The following ZNF469 variants were observed in gnomAD, a reference collection of about 807,000 sequenced individuals.
ZNF469 encodes the protein zinc finger protein 469.
Under a neutral mutation model 1.0 loss-of-function variants are expected in ZNF469, and 1 was observed. The ratio of observed to expected loss-of-function variants is 1.00; its 90% confidence interval spans 0.35 to 4.73. The LOEUF (loss-of-function observed/expected upper bound fraction) is 4.73. ZNF469 is among the 30% of genes most tolerant of loss of function. The pLI is 0.16. For missense variants in ZNF469, 6,100 were observed against 5,356.3 expected (o/e 1.14, Z -4.33); for synonymous variants, 2,703 against 2,363.4 (o/e 1.14, Z -4.17).
chr16:88,249,423 CTTTTTCTTTTTTTTTTTTTT>C, the ZNF469 span, among the ~76,000 whole-genome samples: 1 of 61,754 alleles, frequency 1.6e-5, no homozygotes, highest in Admixed American at 2.4e-4. Context: ...CTTTCTTTTT[CTTTTTCTTTTTTTTTTTTTT>C]TTTTTTTTTT....
upstream of ZNF469, among the ~76,000 whole-genome samples, chr16:88,382,006 G>T (rs193095951): frequency 6.6e-6 from 1 of 152,244 alleles, no homozygotes; most frequent in Non-Finnish European, 1.5e-5. Flanking sequence ...GCTCCCGGGG[G>T]ACCTTTGTCT....
At chr16:88,275,645 A>C in the ZNF469 span, among the ~76,000 whole-genome samples, 1 of 152,168 alleles carries the variant, frequency 6.6e-6, no homozygotes, top group South Asian at 2.1e-4. Flanking sequence ...CTGAAAGACC[A>C]GGCTGGTGTC....
At position 88,429,678 on chromosome 16, in the gene ZNF469, T is replaced by C; in HGVS notation, c.2208T>C (p.Cys736=). 6.5e-7 allele frequency: 1 copy of C among 1,542,248 alleles called. No homozygotes were observed. The highest frequency in any genetic ancestry group is 8.8e-7 in the Non-Finnish European group (1 of 1,141,588). Reference sequence around the variant, plus strand: ...ACGTGCTGCTGACCTGCAGGCAGTGTGACCGCAACTACAGCAGCCTGGCGG... The same window carrying C: ...ACGTGCTGCTGACCTGCAGGCAGTGCGACCGCAACTACAGCAGCCTGGCGG... The part of the protein sequence containing the change: ...QLDVLLTCRQ[C]DRNYSSLAAF... The change falls in exon 3 of 3, where the codon TGT becomes TGC. Residue 736 remains cysteine, a synonymous_variant. Coordinates refer to ENST00000565624, the MANE Select transcript of ZNF469 (RefSeq NM_001367624.2).
intron 1 of ZNF469, among the ~76,000 whole-genome samples, chr16:88,408,698 G>T (rs1467247793): frequency 6.6e-6 from 1 of 152,152 alleles, no homozygotes; most frequent in Admixed American, 6.6e-5. Context: ...CTTACTGCCG[G>T]GGCCACATGG....
the ZNF469 span, among the ~76,000 whole-genome samples, chr16:88,133,001 G>A: frequency 6.6e-6 from 1 of 152,238 alleles, no homozygotes; most frequent in African/African-American, 2.4e-5. Flanking sequence ...TGGGCATGCT[G>A]GGAGAGATGC....
chr16:88,254,012 A>G, the ZNF469 span, among the ~76,000 whole-genome samples: 8 of 151,988 alleles, frequency 5.3e-5, no homozygotes, highest in African/African-American at 1.7e-4. Context: ...GAAATTATCA[A>G]TTTTGATAAA....
intron 1 of ZNF469, among the ~76,000 whole-genome samples, chr16:88,419,663 C>T (rs965858115): frequency 7.9e-5 from 12 of 152,202 alleles, no homozygotes; most frequent in Admixed American, 7.2e-4. Flanking sequence ...GCGCCGTCTG[C>T]CCCCTCAATA....
At chr16:88,284,714 G>T in the ZNF469 span, among the ~76,000 whole-genome samples, 888 of 152,264 alleles carry the variant, frequency 5.8e-3, 6 homozygotes, top group African/African-American at 0.02. Flanking sequence ...AGCAGCAGGT[G>T]CTAAGGGCCT....
chr16:88,225,782 A>C, the ZNF469 span, among the ~76,000 whole-genome samples: 8 of 152,332 alleles, frequency 5.3e-5, no homozygotes, highest in Middle Eastern at 3.4e-3. Context: ...GCCTCCCCAC[A>C]CACGGACCTG....
the ZNF469 span, among the ~76,000 whole-genome samples, chr16:88,219,719 T>G: frequency 9.6e-4 from 146 of 152,308 alleles, no homozygotes; most frequent in East Asian, 0.026. Flanking sequence ...AATTCCAACC[T>G]ACTTCCCTGG....
chr16:88,257,557 T>C, the ZNF469 span, among the ~76,000 whole-genome samples: 1 of 152,218 alleles, frequency 6.6e-6, no homozygotes. Context: ...GATCCTGCCT[T>C]TGGTGCTGGA....
At chr16:88,376,275 T>C in the ZNF469 span, among the ~76,000 whole-genome samples, 1 of 152,254 alleles carries the variant, frequency 6.6e-6, no homozygotes, top group African/African-American at 2.4e-5. Flanking sequence ...AATGCGTAGT[T>C]GTCCCCTGGA....
the ZNF469 span, among the ~76,000 whole-genome samples, chr16:88,286,465 C>A: frequency 6.6e-6 from 1 of 152,260 alleles, no homozygotes; most frequent in African/African-American, 2.4e-5. Flanking sequence ...GGTATTTACA[C>A]CTTCCTGCCA....
chr16:88,119,177 A>G, the ZNF469 span, among the ~76,000 whole-genome samples: 3 of 152,236 alleles, frequency 2.0e-5, no homozygotes, highest in Admixed American at 2.0e-4. Context: ...TAGTAAGTGA[A>G]GAAATGTCTT....
At chr16:88,214,688 G>A in the ZNF469 span, among the ~76,000 whole-genome samples, 167 of 152,182 alleles carry the variant, frequency 1.1e-3, no homozygotes, top group Non-Finnish European at 2.1e-3. Flanking sequence ...GGTGTGTGAT[G>A]TTCCCCTCCC....
At chr16:88,407,772 G>A (rs1479295951) in intron 1 of ZNF469, among the ~76,000 whole-genome samples, 1 of 152,246 alleles carries the variant, frequency 6.6e-6, no homozygotes, top group Non-Finnish European at 1.5e-5. Flanking sequence ...CCAGTGCTCA[G>A]ACGCTGCCTT....
the ZNF469 span, among the ~76,000 whole-genome samples, chr16:88,352,478 C>T: frequency 1.7e-4 from 26 of 152,340 alleles, no homozygotes; most frequent in Admixed American, 3.3e-4. Context: ...ATGGTGCTGA[C>T]GGGCACGGAA....
chr16:88,362,528 T>C, the ZNF469 span, among the ~76,000 whole-genome samples: 1 of 152,344 alleles, frequency 6.6e-6, no homozygotes, highest in South Asian at 2.1e-4. Flanking sequence ...TATAAAATTC[T>C]GGGTTGACAT....
At chr16:88,335,853 A>T in the ZNF469 span, among the ~76,000 whole-genome samples, 1 of 151,698 alleles carries the variant, frequency 6.6e-6, no homozygotes, top group Non-Finnish European at 1.5e-5. Flanking sequence ...TTCATGTGAG[A>T]CACTGATGTG....
Sources: gnomAD v4.1 joint callset for allele counts (sites outside exome capture counted in the v4.1 genomes callset) on GRCh38, gnomAD v4.1.1 for gene constraint, MANE v1.5 for transcripts, NCBI Gene and HGNC (gene_info 2026-07-23, HGNC 2026-07-21) for gene names.